The following AMOTL1 variants were observed in gnomAD, a reference collection of about 807,000 sequenced individuals.
The protein encoded by AMOTL1 is angiomotin like 1, also known as angiomotin-like protein 1.
In AMOTL1, 45 loss-of-function variants were observed where a neutral mutation model predicts 102.9. The observed-to-expected ratio is 0.44, with a 90% CI of 0.34 to 0.56. The LOEUF is 0.56. Among genes scored for constraint, AMOTL1 ranks in the 20% least tolerant of loss-of-function variants. The pLI, the probability that AMOTL1 is intolerant of heterozygous loss-of-function variation, is 0.01. For synonymous variants in AMOTL1, 481 were observed against 484.7 expected (o/e 0.99, Z 0.10); for missense variants, 1,114 against 1,225.6 (o/e 0.91, Z 1.36).
chr11:94,754,414 C>G (rs1036426098), intron 3 of AMOTL1, among the ~76,000 whole-genome samples: 1 of 152,332 alleles, frequency 6.6e-6, no homozygotes. Context: ...AATCTTCTCT[C>G]CCATACAAAC....
chr11:94,785,525 T>C (rs997069419), intron 1 of AMOTL1, among the ~76,000 whole-genome samples: 4 of 152,212 alleles, frequency 2.6e-5, no homozygotes, highest in African/African-American at 9.6e-5. Flanking sequence ...TTAAGGGATG[T>C]TTAGTTTCTT....
At chr11:94,738,559 A>G (rs1260606664) in intron 2 of AMOTL1, among the ~76,000 whole-genome samples, 2 of 152,156 alleles carry the variant, frequency 1.3e-5, no homozygotes, top group East Asian at 3.8e-4. Context: ...TGCCCAGCCA[A>G]TTTTGTGCTT....
chr11:94,869,509 C>G (rs1296308564), intron 12 of AMOTL1, 36 bp downstream of exon 12: 1 of 1,546,234 alleles, frequency 6.5e-7, no homozygotes, highest in Admixed American at 1.9e-5. Context: ...CCCCTGAAAA[C>G]TGTGGAACTG....
intron 3 of AMOTL1, among the ~76,000 whole-genome samples, chr11:94,745,198 C>T (rs1950575593): frequency 6.6e-6 from 1 of 150,872 alleles, no homozygotes; most frequent in African/African-American, 2.4e-5. Flanking sequence ...GCTATCCCTC[C>T]CCCATCCCCC....
intron 1 of AMOTL1, among the ~76,000 whole-genome samples, chr11:94,777,652 C>T (rs76406187): frequency 0.013 from 2,037 of 152,214 alleles, 48 homozygotes; most frequent in African/African-American, 0.046. Flanking sequence ...TACTGAATTT[C>T]TTGTATTAAA....
rs1021424439 is a variant in AMOTL1 at position 94,870,854 on chromosome 11, A to G, written c.*59A>G. ...TGACAAACAAGGAAAGCGGCAGAGAAAGAAGAAAGACCTAGAAGGTTGTAG... is the reference window on the plus strand; with the variant it reads ...TGACAAACAAGGAAAGCGGCAGAGAGAGAAGAAAGACCTAGAAGGTTGTAG... On this transcript the variant is annotated 3_prime_UTR_variant, in exon 13 of 13. Transcript: ENST00000433060. 4 of 1,406,342 alleles carry G rather than the reference A, an allele frequency of 2.8e-6. No homozygotes were observed. The highest frequency in any genetic ancestry group is 3.9e-6 in the Non-Finnish European group (4 of 1,030,402). The allele number at this position is 1,406,342 out of a possible 1,614,324, so 87.1% of individuals were successfully genotyped here. A position where few individuals can be genotyped will look rare whatever the true frequency, so the allele number is the denominator to read the frequency against.
At position 94,850,208 on chromosome 11, in the gene AMOTL1, G is replaced by A. The variant is rs1952505345; in HGVS notation, c.1743G>A (p.Leu581=). Residue 581 remains leucine, a synonymous_variant, in exon 7 of 13, where the codon CTG becomes CTA. Coordinates refer to ENST00000433060, the MANE Select transcript of AMOTL1 (RefSeq NM_130847.3). The part of the protein sequence containing the change: ...SEDHRRHIEI[L]DQALSNAQAR... ...ACCATCGGAGACACATCGAGATCCT[G>A]GACCAGGCTTTGAGCAACGCCCAGG... The A allele has an allele frequency of 1.3e-6, 2 of 1,595,872 alleles. No homozygotes were observed. Among genetic ancestry groups the A allele is most frequent in the South Asian group, 1.1e-5 (1 of 87,392 alleles).
chr11:94,740,531 C>T (rs1950505132), intron 2 of AMOTL1, among the ~76,000 whole-genome samples: 1 of 151,622 alleles, frequency 6.6e-6, no homozygotes, highest in Non-Finnish European at 1.5e-5. Context: ...CCTCGGGCCC[C>T]CGGGACCGCG....
chr11:94,762,102 A>G (rs1033780055), intron 3 of AMOTL1, among the ~76,000 whole-genome samples: 1 of 152,226 alleles, frequency 6.6e-6, no homozygotes, highest in African/African-American at 2.4e-5. Flanking sequence ...ATGTGTCTAT[A>G]TCATCACTGG....
chr11:94,778,261 G>C (rs576481329), intron 1 of AMOTL1, among the ~76,000 whole-genome samples: 67 of 152,248 alleles, frequency 4.4e-4, no homozygotes, highest in African/African-American at 1.5e-3. Context: ...AGAAGTGTGG[G>C]GGTATCTTAC....
chr11:94,719,547 A>T (rs1000803197), intron 1 of AMOTL1, among the ~76,000 whole-genome samples: 1 of 147,520 alleles, frequency 6.8e-6, no homozygotes, highest in South Asian at 2.2e-4. Flanking sequence ...TATTAGTAAG[A>T]CAAAAAGCCA....
At chr11:94,751,894 A>G (rs1950660775) in intron 3 of AMOTL1, among the ~76,000 whole-genome samples, 1 of 152,126 alleles carries the variant, frequency 6.6e-6, no homozygotes, top group Non-Finnish European at 1.5e-5. Context: ...AAGAGTGGCC[A>G]TTCATTCCTG....
chr11:94,830,564 C>T (rs1219348108), intron 5 of AMOTL1, among the ~76,000 whole-genome samples: 1 of 152,214 alleles, frequency 6.6e-6, no homozygotes, highest in African/African-American at 2.4e-5. Flanking sequence ...CCACATGGGG[C>T]TGTCATTTGG....
At chr11:94,774,539 G>A (rs888051072) in intron 1 of AMOTL1, among the ~76,000 whole-genome samples, 4 of 152,138 alleles carry the variant, frequency 2.6e-5, no homozygotes, top group African/African-American at 9.7e-5. Context: ...ACTTCTCAGA[G>A]GAAATTAATT....
intron 12 of AMOTL1, among the ~76,000 whole-genome samples, chr11:94,870,288 GTTGT>G (rs1952970049): frequency 6.6e-6 from 1 of 152,318 alleles, no homozygotes; most frequent in East Asian, 1.9e-4. Flanking sequence ...CTCCAAGGGG[GTTGT>G]TTATTTCATT....
chr11:94,728,581 G>A (rs928040632), intron 1 of AMOTL1, among the ~76,000 whole-genome samples: 2 of 152,104 alleles, frequency 1.3e-5, no homozygotes, highest in Non-Finnish European at 2.9e-5. Context: ...AAATAGAAGA[G>A]TGTGTATCTT....
intron 1 of AMOTL1, among the ~76,000 whole-genome samples, chr11:94,719,902 G>GTT (rs1950151426): frequency 1.3e-5 from 2 of 152,042 alleles, no homozygotes; most frequent in Non-Finnish European, 2.9e-5. Context: ...AAGAAATACG[G>GTT]GCACCCAAGG....
At chr11:94,741,115 A>G (rs1302353151) in intron 3 of AMOTL1, 5 of 740,808 alleles carry the variant, frequency 6.7e-6, no homozygotes. Context: ...GGAAAGGGTC[A>G]GGGGACACCT....
At chr11:94,779,172 C>T (rs945430606) in intron 1 of AMOTL1, among the ~76,000 whole-genome samples, 12 of 152,068 alleles carry the variant, frequency 7.9e-5, no homozygotes, top group African/African-American at 2.2e-4. Flanking sequence ...GTATGAAAAA[C>T]GTAGCCCACA....
Sources: gnomAD v4.1 joint callset for allele counts (sites outside exome capture counted in the v4.1 genomes callset) on GRCh38, gnomAD v4.1.1 for gene constraint, MANE v1.5 for transcripts, NCBI Gene and HGNC (gene_info 2026-07-23, HGNC 2026-07-21) for gene names.